BICD2: variants seen among roughly 807,000 people sequenced by gnomAD.
BICD2 encodes protein bicaudal D homolog 2.
In BICD2, 25 loss-of-function variants were observed where a neutral mutation model predicts 72.9. The ratio of observed to expected loss-of-function variants is 0.34; its 90% CI spans 0.25 to 0.48. The LOEUF is 0.48. Among genes scored for constraint, BICD2 ranks in the 20% least tolerant of loss-of-function variants. The pLI is 0.99. For synonymous variants in BICD2, 501 were observed against 516.1 expected (o/e 0.97, Z 0.40); for missense variants, 894 against 1,175.2 (o/e 0.76, Z 3.50).
chr9:92,744,820 G>A (rs1325386929), intron 1 of BICD2, among the ~76,000 whole-genome samples: 1 of 151,760 alleles, frequency 6.6e-6, no homozygotes, highest in African/African-American at 2.4e-5. Flanking sequence ...CAGCCTGGAT[G>A]ACAGAGCGAG....
At chr9:92,742,378 C>CT (rs1043689970) in intron 1 of BICD2, among the ~76,000 whole-genome samples, 1,633 of 142,606 alleles carry the variant, frequency 0.011, 10 homozygotes, top group Non-Finnish European at 0.013. Context: ...TTCCACATTT[C>CT]TTTTTTTTTT....
At chr9:92,735,105 A>G (rs1379920529) in intron 1 of BICD2, among the ~76,000 whole-genome samples, 1 of 152,202 alleles carries the variant, frequency 6.6e-6, no homozygotes, top group East Asian at 1.9e-4. Context: ...GCCTAGGCCC[A>G]GCAGGATCTA....
chr9:92,748,618 T>C (rs1192859546), intron 1 of BICD2, among the ~76,000 whole-genome samples: 6 of 152,088 alleles, frequency 3.9e-5, no homozygotes, highest in South Asian at 2.1e-4. Flanking sequence ...ATGGGTGTTA[T>C]ATGGGAGACC....
rs527246458 is a variant in BICD2, at chr9:92,722,988, G to A, written c.454-180C>T. 2.3e-3 allele frequency among the ~76,000 whole-genome samples: 350 copies of A among 152,318 alleles called. 1 individual carries two copies. The highest frequency in any genetic ancestry group is 6.8e-3 in the Middle Eastern group (2 of 294). ...CCAGAGCAGTATGCCAGAGTGCACAGCGGACTGCAGAGGTTCCAGAGTAAA... is the reference window on the plus strand; with the variant it reads ...CCAGAGCAGTATGCCAGAGTGCACAACGGACTGCAGAGGTTCCAGAGTAAA... On this transcript the variant is annotated intron_variant, in intron 2 of 6. Transcript: ENST00000356884.
intron 1 of BICD2, among the ~76,000 whole-genome samples, chr9:92,757,490 T>C (rs1042048214): frequency 1.3e-5 from 2 of 151,456 alleles, no homozygotes; most frequent in Non-Finnish European, 2.9e-5. Context: ...TGTTAGTTTC[T>C]TAGGTGTGAA....
chr9:92,733,441 G>A lies in BICD2; in HGVS notation c.241-4205C>T, dbSNP rs555634166. Among the ~76,000 whole-genome samples, 11 of 152,110 alleles carry A rather than the reference G, an allele frequency of 7.2e-5. No homozygotes were observed. In the East Asian group the frequency reaches 2.1e-3, roughly 29 times the overall value. On this transcript the variant is annotated intron_variant, in intron 1 of 6. Transcript: ENST00000356884. ...TAATCCCAGCTTCTTGGGAGGCTGA[G>A]GCAGGAGAATGGTTTGAACCCAGGA...
intron 1 of BICD2, among the ~76,000 whole-genome samples, chr9:92,746,769 T>A (rs967288624): frequency 6.6e-6 from 1 of 152,032 alleles, no homozygotes; most frequent in African/African-American, 2.4e-5. Context: ...AGAAACCTAA[T>A]CACTGTAGAA....
chr9:92,763,313 C>T (rs1247023323), intron 1 of BICD2, among the ~76,000 whole-genome samples: 3 of 152,126 alleles, frequency 2.0e-5, no homozygotes, highest in African/African-American at 7.2e-5. Context: ...AGCAGAGGTG[C>T]CAGGTGATAA....
intron 2 of BICD2, among the ~76,000 whole-genome samples, chr9:92,727,465 C>T (rs1037109332): frequency 4.6e-5 from 7 of 152,214 alleles, no homozygotes; most frequent in African/African-American, 1.7e-4. Flanking sequence ...AAGATAAGGC[C>T]TTGCCCAGGC....
intron 1 of BICD2, among the ~76,000 whole-genome samples, chr9:92,744,708 G>A (rs1341891341): frequency 6.6e-6 from 1 of 152,074 alleles, no homozygotes; most frequent in Non-Finnish European, 1.5e-5. Context: ...AGGTGTGGTG[G>A]CACGCGCCTG....
Position 92,742,709 on chromosome 9 carries a change from C to CA in BICD2, c.241-13474dup, listed in dbSNP as rs558229024. Among the ~76,000 whole-genome samples the CA allele has an allele frequency of 1.3e-3, 201 of 152,088 alleles. 1 individual carries two copies. Among genetic ancestry groups the CA allele is most frequent in the African/African-American group, 4.7e-3 (197 of 41,484 alleles). On this transcript the variant is annotated intron_variant, in intron 1 of 6. Coordinates refer to ENST00000356884, the MANE Select transcript of BICD2 (RefSeq NM_001003800.2). ...AATTCCACATTTCTATCACCCCCCC[C>CA]AAAGAAACTCTGTCCCCATTAGCAG...
chr9:92,736,804 C>T (rs1001557078), intron 1 of BICD2, among the ~76,000 whole-genome samples: 1 of 152,190 alleles, frequency 6.6e-6, no homozygotes, highest in Non-Finnish European at 1.5e-5. Flanking sequence ...GAGCCCTGAA[C>T]ATGTTCCCCC....
intron 1 of BICD2, among the ~76,000 whole-genome samples, chr9:92,732,591 A>C (rs117724552): frequency 6.6e-6 from 1 of 152,224 alleles, no homozygotes; most frequent in Non-Finnish European, 1.5e-5. Flanking sequence ...AAAAGGATAC[A>C]TGACTCAAGA....
chr9:92,722,820 G>C lies in BICD2; in HGVS notation c.454-12C>G. ...ACATTCTGGTTGATCTGTTGGGGGAGAGGGAAAGGCAGGTATGAGCAGCCT... is the reference window on the plus strand; with the variant it reads ...ACATTCTGGTTGATCTGTTGGGGGACAGGGAAAGGCAGGTATGAGCAGCCT... On this transcript the variant is annotated splice_polypyrimidine_tract_variant and intron_variant, in intron 2 of 6. Transcript: ENST00000356884. The C allele has an allele frequency of 2.5e-6, 4 of 1,614,056 alleles. No individual in the cohort carries two copies. Among genetic ancestry groups the C allele is most frequent in the Non-Finnish European group, 3.4e-6 (4 of 1,180,018 alleles).
chr9:92,727,905 CCT>C (rs1236579097), intron 2 of BICD2, among the ~76,000 whole-genome samples: 1 of 152,212 alleles, frequency 6.6e-6, no homozygotes, highest in African/African-American at 2.4e-5. Context: ...ACTGCTCTCC[CCT>C]GATATCTGCC....
chr9:92,721,704 G>C (rs1587671128), intron 3 of BICD2, among the ~76,000 whole-genome samples: 1 of 152,194 alleles, frequency 6.6e-6, no homozygotes, highest in African/African-American at 2.4e-5. Context: ...GAGAGGGAGA[G>C]AGAGTCAGAC....
chr9:92,739,796 C>T (rs904328366), intron 1 of BICD2, among the ~76,000 whole-genome samples: 15 of 152,148 alleles, frequency 9.9e-5, no homozygotes, highest in African/African-American at 3.4e-4. Context: ...GTTTCCGAGG[C>T]CTTAAAAGGA....
chr9:92,744,656 A>G (rs1479493577), intron 1 of BICD2, among the ~76,000 whole-genome samples: 1 of 152,136 alleles, frequency 6.6e-6, no homozygotes, highest in South Asian at 2.1e-4. Flanking sequence ...CCTGGCTAAC[A>G]TGGTGAAACC....
chr9:92,729,265 G>A (rs1326777028), intron 1 of BICD2, 29 bp from the exon 2 acceptor site: 3 of 1,611,296 alleles, frequency 1.9e-6, no homozygotes, highest in African/African-American at 2.7e-5. Flanking sequence ...CACTCGTGAG[G>A]TGGGCCTCCC....
Sources: gnomAD v4.1 joint callset for allele counts (sites outside exome capture counted in the v4.1 genomes callset) on GRCh38, gnomAD v4.1.1 for gene constraint, MANE v1.5 for transcripts, NCBI Gene and HGNC (gene_info 2026-07-23, HGNC 2026-07-21) for gene names.